The following PID1 variants were observed in gnomAD, a reference collection of about 807,000 sequenced individuals.
PID1 encodes the protein phosphotyrosine interaction domain containing 1.
A neutral mutation model predicts 19.1 loss-of-function variants in PID1; 10 were observed. The observed-to-expected ratio is 0.52, with a 90% CI of 0.32 to 0.89. The LOEUF is 0.89. Among genes scored for constraint, PID1 ranks in the 40% least tolerant of loss-of-function variants. The probability of loss-of-function intolerance (pLI) is 0.03; values close to 1 mark genes in which losing one functional copy is unlikely to be tolerated. For missense variants in PID1, 248 were observed against 285.3 expected (o/e 0.87, Z 0.94); for synonymous variants, 130 against 116.0 (o/e 1.12, Z -0.78).
chr2:229,049,887 A>G (rs187536993), intron 2 of PID1, among the ~76,000 whole-genome samples: 35 of 151,838 alleles, frequency 2.3e-4, no homozygotes, highest in Non-Finnish European at 4.6e-4. Context: ...ACTCTTTTAT[A>G]ACCAGTTTAG....
chr2:229,092,894 G>C (rs1694902498), intron 2 of PID1, among the ~76,000 whole-genome samples: 1 of 152,052 alleles, frequency 6.6e-6, no homozygotes, highest in Non-Finnish European at 1.5e-5. Flanking sequence ...TACAAATCAT[G>C]TTTAAAGTTC....
intron 1 of PID1, chr2:229,245,046 C>T (rs558188057): frequency 2.0e-5 from 3 of 152,234 alleles, no homozygotes; most frequent in Non-Finnish European, 4.4e-5. Flanking sequence ...TGTTGTGTTG[C>T]AAAGCCCATC....
intron 1 of PID1, among the ~76,000 whole-genome samples, chr2:229,166,514 T>C (rs1190701655): frequency 1.3e-5 from 2 of 152,218 alleles, no homozygotes; most frequent in Non-Finnish European, 2.9e-5. Flanking sequence ...TGGCTTCATC[T>C]GATTGCTCAA....
At chr2:229,173,587 C>T (rs1690753860) in intron 1 of PID1, among the ~76,000 whole-genome samples, 1 of 152,206 alleles carries the variant, frequency 6.6e-6, no homozygotes, top group East Asian at 1.9e-4. Flanking sequence ...GGCATGTTTC[C>T]TGCCTTCATG....
chr2:229,081,052 A>G (rs1040896277), intron 2 of PID1, among the ~76,000 whole-genome samples: 13 of 152,130 alleles, frequency 8.5e-5, no homozygotes, highest in Admixed American at 2.0e-4. Flanking sequence ...TTTTTTCTCT[A>G]AAAACCTCTG....
chr2:229,046,130 C>T (rs1693872438), intron 2 of PID1, among the ~76,000 whole-genome samples: 1 of 152,096 alleles, frequency 6.6e-6, no homozygotes. Flanking sequence ...TGCTGGGAAC[C>T]ATGCTGCAAT....
At chr2:229,179,933 G>A (rs1427043512) in intron 1 of PID1, among the ~76,000 whole-genome samples, 4 of 152,098 alleles carry the variant, frequency 2.6e-5, no homozygotes, top group Non-Finnish European at 4.4e-5. Context: ...TGTCCCTTTT[G>A]TCCTCAACTG....
intron 2 of PID1, among the ~76,000 whole-genome samples, chr2:229,034,967 C>T (rs1693630941): frequency 1.3e-5 from 2 of 152,148 alleles, no homozygotes; most frequent in South Asian, 2.1e-4. Context: ...AGAGAATCAG[C>T]TCTTGGGCCC....
intron 2 of PID1, among the ~76,000 whole-genome samples, chr2:229,092,286 TG>T (rs1256411832): frequency 6.6e-6 from 1 of 152,140 alleles, no homozygotes; most frequent in Non-Finnish European, 1.5e-5. Flanking sequence ...GCAGCATGAC[TG>T]TAAGAAGTAG....
chr2:229,139,053 GAAAGAGAAAGAAAGAAAGAAAGAA>G (rs1689935393), intron 2 of PID1, among the ~76,000 whole-genome samples: 1 of 59,336 alleles, frequency 1.7e-5, no homozygotes, highest in Non-Finnish European at 3.7e-5. Context: ...AAGAAAGAAA[GAAAGAGAAAGAAAGAAAGAAAGAA>G]AGAAAGAAAG....
chr2:229,090,574 C>CCTTA (rs1197996880), intron 2 of PID1, among the ~76,000 whole-genome samples: 1 of 152,118 alleles, frequency 6.6e-6, no homozygotes, highest in Non-Finnish European at 1.5e-5. Flanking sequence ...TACAAGCAGG[C>CCTTA]CTTAGTCCTA....
chr2:229,219,764 T>C (rs1161051667), intron 1 of PID1, among the ~76,000 whole-genome samples: 1 of 151,976 alleles, frequency 6.6e-6, no homozygotes, highest in Admixed American at 6.6e-5. Context: ...CAAATGATCC[T>C]CCCACCTGGA....
chr2:229,213,894 C>G (rs1269296649), intron 1 of PID1, among the ~76,000 whole-genome samples: 29 of 152,204 alleles, frequency 1.9e-4, no homozygotes, highest in Admixed American at 1.8e-3. Flanking sequence ...TCTACATAAT[C>G]TTTAACTATG....
At chr2:229,044,431 C>T (rs776501952) in intron 2 of PID1, among the ~76,000 whole-genome samples, 15 of 151,982 alleles carry the variant, frequency 9.9e-5, no homozygotes, top group Non-Finnish European at 2.2e-4. Context: ...CCCTGCTTCC[C>T]CGACAAATGC....
At chr2:229,121,103 C>T (rs1180494633) in intron 2 of PID1, among the ~76,000 whole-genome samples, 1 of 152,112 alleles carries the variant, frequency 6.6e-6, no homozygotes, top group Non-Finnish European at 1.5e-5. Flanking sequence ...GTTACAGCAA[C>T]ACAAAATGGA....
chr2:229,182,939 C>T (rs973098041), intron 1 of PID1, among the ~76,000 whole-genome samples: 3 of 152,206 alleles, frequency 2.0e-5, no homozygotes, highest in Admixed American at 6.5e-5. Context: ...TTCTCCTCTT[C>T]CCCATTCTCA....
intron 1 of PID1, among the ~76,000 whole-genome samples, chr2:229,225,939 A>G (rs1349371222): frequency 6.6e-6 from 1 of 152,186 alleles, no homozygotes; most frequent in Non-Finnish European, 1.5e-5. Context: ...CGTGGGGATT[A>G]CGGGAACTAC....
intron 1 of PID1, among the ~76,000 whole-genome samples, chr2:229,209,083 C>T (rs2106247544): frequency 6.6e-6 from 1 of 152,244 alleles, no homozygotes; most frequent in African/African-American, 2.4e-5. Context: ...CACTGTCAGA[C>T]TGTCAAAGGT....
intron 2 of PID1, among the ~76,000 whole-genome samples, chr2:229,091,785 C>T (rs1278541513): frequency 6.6e-6 from 1 of 152,192 alleles, no homozygotes; most frequent in Non-Finnish European, 1.5e-5. Flanking sequence ...ATTAACTAGA[C>T]AATTTCAGCA....
Sources: gnomAD v4.1 joint callset for allele counts (sites outside exome capture counted in the v4.1 genomes callset) on GRCh38, gnomAD v4.1.1 for gene constraint, MANE v1.5 for transcripts, NCBI Gene and HGNC (gene_info 2026-07-23, HGNC 2026-07-21) for gene names.